The following FBXO7 variants were observed in gnomAD, a reference collection of about 807,000 sequenced individuals.
FBXO7 encodes the protein F-box protein 7, also known as F-box only protein 7.
Under a neutral mutation model 50.2 loss-of-function variants are expected in FBXO7, and 31 were observed. The observed-to-expected ratio is 0.62, with a 90% CI of 0.46 to 0.83. The LOEUF (loss-of-function observed/expected upper bound fraction) is 0.83. Ranked by LOEUF, FBXO7 falls within the 40% of genes least tolerant of loss-of-function variation. The probability of loss-of-function intolerance (pLI) is 0.00; values close to 1 mark genes in which losing one functional copy is unlikely to be tolerated. For missense variants in FBXO7, 667 were observed against 646.6 expected (o/e 1.03, Z -0.34); for synonymous variants, 256 against 253.1 (o/e 1.01, Z -0.11).
chr22:32,497,136 AAG>A (rs1400587302), intron 8 of FBXO7, among the ~76,000 whole-genome samples: 1 of 152,192 alleles, frequency 6.6e-6, no homozygotes, highest in East Asian at 1.9e-4. Context: ...CTTACGGATA[AAG>A]AGAGAAAGTG....
rs764659274 is a variant in FBXO7 at position 32,493,005 on chromosome 22, C to T, written c.968-100C>T. ...TTAAGAGTACCATCTAATTTTCTGT[C>T]ACTTTAGAAAGGAACAAGTGGCAAC... On this transcript the variant is annotated intron_variant, in intron 6 of 8. Transcript: ENST00000266087. The T allele has an allele frequency of 6.9e-6, 8 of 1,160,028 alleles. No homozygotes were observed. The African/African-American group carries it at 9.1e-5, about 13-fold the overall frequency. The allele number at this position is 1,160,028 out of a possible 1,614,324, so 71.9% of individuals were successfully genotyped here.
chr22:32,496,357 C>T (rs2146006831), intron 8 of FBXO7, among the ~76,000 whole-genome samples: 1 of 152,218 alleles, frequency 6.6e-6, no homozygotes, highest in African/African-American at 2.4e-5. Flanking sequence ...TGGTGTGGAC[C>T]TGTAATCCCA....
intron 2 of FBXO7, among the ~76,000 whole-genome samples, chr22:32,479,677 G>A (rs1426604817): frequency 6.6e-6 from 1 of 152,182 alleles, no homozygotes; most frequent in East Asian, 1.9e-4. Context: ...TTACAGGCAT[G>A]AGCCACTGCG....
intron 8 of FBXO7, among the ~76,000 whole-genome samples, chr22:32,497,468 T>G (rs1005467155): frequency 7.2e-5 from 11 of 152,232 alleles, no homozygotes; most frequent in Non-Finnish European, 1.2e-4. Context: ...AAGACATTAT[T>G]TCATTCCTTT....
chr22:32,487,237 A>G (rs1240718712), intron 4 of FBXO7: 1 of 156,500 alleles, frequency 6.4e-6, no homozygotes, highest in African/African-American at 2.4e-5. Flanking sequence ...GAATGAGATG[A>G]AGTGCGCCTT....
At position 32,484,083 on chromosome 22, in the gene FBXO7, T is replaced by G. The variant is rs754569362; in HGVS notation, c.604T>G (p.Leu202Val). The G allele has an allele frequency of 1.2e-6, 2 of 1,614,194 alleles. No individual in the cohort carries two copies. The highest frequency in any genetic ancestry group is 1.7e-6 in the Non-Finnish European group (2 of 1,180,022). ...CSDANDALIV[L>V]IHLLMLESGY... ...TGATGCCAATGATGCCTTGATAGTG[T>G]TGATACATCTTCTCATGTTGGAGTC... Residue 202 changes from leucine (L) to valine (V), a missense_variant, in exon 3 of 9, where the codon TTG becomes GTG. Coordinates refer to ENST00000266087, the MANE Select transcript of FBXO7 (RefSeq NM_012179.4).
chr22:32,480,423 C>T (rs960006966), intron 2 of FBXO7, among the ~76,000 whole-genome samples: 54 of 151,976 alleles, frequency 3.6e-4, no homozygotes, highest in African/African-American at 1.3e-3. Context: ...CATTTTCCCC[C>T]GCCCCCACCA....
intron 1 of FBXO7, 78 bp downstream of exon 1, chr22:32,475,202 C>A (rs1434971852): frequency 6.6e-7 from 1 of 1,512,564 alleles, no homozygotes; most frequent in Admixed American, 2.1e-5. Context: ...TTGGCGTCAT[C>A]TGTGGGCTGC....
At chr22:32,495,363 G>C in intron 7 of FBXO7, 130 bp from the exon 8 acceptor site, 1 of 597,964 alleles carries the variant, frequency 1.7e-6, no homozygotes, top group Non-Finnish European at 2.9e-6. Flanking sequence ...TTATATAAAT[G>C]GTTAGTTTTT....
intron 5 of FBXO7, 191 bp downstream of exon 5, chr22:32,488,019 G>A: frequency 1.8e-6 from 1 of 549,262 alleles, no homozygotes; most frequent in South Asian, 2.1e-5. Flanking sequence ...TGAGGAGTTT[G>A]TTTCTTTCCT....
At chr22:32,487,993 A>C (rs1367520154) in intron 5 of FBXO7, 165 bp downstream of exon 5, 1 of 598,666 alleles carries the variant, frequency 1.7e-6, no homozygotes, top group Non-Finnish European at 3.0e-6. Context: ...AAAATGTGAA[A>C]GTTTTGCTTA....
At chr22:32,480,842 T>C (rs1252416267) in intron 2 of FBXO7, among the ~76,000 whole-genome samples, 1 of 152,054 alleles carries the variant, frequency 6.6e-6, no homozygotes. Context: ...ATTTTTGTAT[T>C]TTTGGTAGAG....
intron 1 of FBXO7, 155 bp downstream of exon 1, chr22:32,475,279 G>A: frequency 6.3e-7 from 1 of 1,587,532 alleles, no homozygotes. Context: ...CGGGAGGCCC[G>A]GGCTCTTCCG....
chr22:32,498,763 G>A lies in FBXO7; in HGVS notation c.*233G>A. The A allele has an allele frequency of 1.7e-6, 1 of 578,632 alleles. No homozygotes were observed. Among genetic ancestry groups the A allele is most frequent in the South Asian group, 2.1e-5 (1 of 48,228 alleles). 35.8% of individuals were successfully genotyped at this position (578,632 alleles called of 1,614,324 possible). A position where few individuals can be genotyped will look rare whatever the true frequency, so the allele number is the denominator to read the frequency against. On this transcript the variant is annotated 3_prime_UTR_variant, in exon 9 of 9. Coordinates refer to ENST00000266087, the MANE Select transcript of FBXO7 (RefSeq NM_012179.4). ...TTGGCTGCCAATCTCCCTGCTCTTG[G>A]TTCTCCTCTAGATTGAAGTTTGTTT...
At chr22:32,475,185 G>A in intron 1 of FBXO7, 61 bp downstream of exon 1, 1 of 1,521,266 alleles carries the variant, frequency 6.6e-7, no homozygotes. Context: ...GGTGGGTGCA[G>A]GGCGGGTTGG....
At chr22:32,483,405 C>T (rs929436374) in intron 2 of FBXO7, among the ~76,000 whole-genome samples, 8 of 152,226 alleles carry the variant, frequency 5.3e-5, no homozygotes, top group African/African-American at 1.2e-4. Context: ...TTTTAAGCTG[C>T]GACATAGTAC....
rs767717219 is a variant in FBXO7 at position 32,475,106 on chromosome 22, T to C, written c.104T>C (p.Leu35Pro). 6.5e-7 allele frequency: 1 copy of C among 1,545,200 alleles called. No homozygotes were observed. Among genetic ancestry groups the C allele is most frequent in the South Asian group, 1.2e-5 (1 of 83,734 alleles). Residue 35 changes from leucine to proline, a missense_variant, in exon 1 of 9, where the codon CTG (leucine) becomes CCG (proline). Transcript: ENST00000266087. ...CGCTCGCACCTGAGGCAGTCCCTGC[T>C]GTGCACCTGGGGGTACAGGTACGCT... ...HLRSHLRQSL[L>P]CTWGYSSNTR...
intron 5 of FBXO7, chr22:32,488,892 C>T (rs1036539491): frequency 2.4e-4 from 37 of 152,214 alleles, no homozygotes; most frequent in African/African-American, 8.7e-4. Context: ...CTCACTTCAA[C>T]TTCCACCTCC....
intron 5 of FBXO7, chr22:32,489,651 ATTCT>A (rs1478453269): frequency 1.3e-5 from 2 of 152,258 alleles, no homozygotes; most frequent in Non-Finnish European, 2.9e-5. Context: ...TCAGATTGTT[ATTCT>A]TTATCTGGTT....
Sources: gnomAD v4.1 joint callset for allele counts (sites outside exome capture counted in the v4.1 genomes callset) on GRCh38, gnomAD v4.1.1 for gene constraint, MANE v1.5 for transcripts, NCBI Gene and HGNC (gene_info 2026-07-23, HGNC 2026-07-21) for gene names.